Variants in UGT1A8 observed in about 807,000 individuals in gnomAD.
UGT1A8 encodes UDP glucuronosyltransferase family 1 member A8.
Under a neutral mutation model 45.3 loss-of-function variants are expected in UGT1A8, and 39 were observed. The observed-to-expected ratio is 0.86, with a 90% CI of 0.67 to 1.12. The LOEUF (loss-of-function observed/expected upper bound fraction) is 1.12, where lower values mean the gene tolerates loss of function less well. UGT1A8 is among the 50% of genes most tolerant of loss of function. The pLI, the probability that UGT1A8 is intolerant of heterozygous loss-of-function variation, is 0.00. For missense variants in UGT1A8, 719 were observed against 664.9 expected, an observed-to-expected ratio of 1.08 and a Z score of -0.90; for synonymous variants, 275 against 249.2, an observed-to-expected ratio of 1.10 and a Z score of -0.97.
intron 1 of UGT1A8, among the ~76,000 whole-genome samples, chr2:233,643,614 G>A (rs2073518620): frequency 6.6e-6 from 1 of 152,018 alleles, no homozygotes; most frequent in Non-Finnish European, 1.5e-5. Context: ...TCCTCAAGCA[G>A]AATGAGTTTT....
intron 1 of UGT1A8, among the ~76,000 whole-genome samples, chr2:233,694,434 A>G (rs1178426313): frequency 6.6e-6 from 1 of 152,168 alleles, no homozygotes; most frequent in Admixed American, 6.5e-5. Flanking sequence ...CAAAGCCTAC[A>G]CATTTACTGA....
At chr2:233,755,411 C>G (rs1182147250) in intron 1 of UGT1A8, 4 of 330,942 alleles carry the variant, frequency 1.2e-5, no homozygotes, top group South Asian at 7.6e-5. Flanking sequence ...TTGGCCGAGG[C>G]CTGTGAGCGC....
In UGT1A8 at chr2:233,768,366, G is replaced by A. The variant is rs36076514; in HGVS notation, c.1222G>A (p.Val408Met). Residue 408 changes from valine (V) to methionine (M), a missense_variant, in exon 4 of 5, where the codon GTG (valine) becomes ATG (methionine). Transcript: ENST00000373450. ...AKRMETKGAG[V>M]TLNVLEMTSE... ...GCGCATGGAGACTAAGGGAGCTGGA[G>A]TGACCCTGAATGTTCTGGAAATGAC... 1 of 1,614,180 alleles carries A rather than the reference G, an allele frequency of 6.2e-7. No individual in the cohort carries two copies. Among genetic ancestry groups the A allele is most frequent in the African/African-American group, 1.3e-5 (1 of 75,048 alleles).
intron 1 of UGT1A8, chr2:233,682,296 T>C (rs2074570660): frequency 6.2e-7 from 1 of 1,614,180 alleles, no homozygotes; most frequent in Non-Finnish European, 8.5e-7. Flanking sequence ...TTTGACTTAT[T>C]TTTTTCAAAT....
intron 1 of UGT1A8, among the ~76,000 whole-genome samples, chr2:233,686,243 T>C (rs921662746): frequency 6.6e-6 from 1 of 150,822 alleles, no homozygotes; most frequent in African/African-American, 2.4e-5. Flanking sequence ...GGAAATGGTT[T>C]CTGAGATTTT....
chr2:233,636,570 A>G (rs771998629), intron 1 of UGT1A8: 2 of 1,613,932 alleles, frequency 1.2e-6, no homozygotes, highest in African/African-American at 1.3e-5. Flanking sequence ...GTGTGTGTCT[A>G]CTGCTGACCT....
chr2:233,637,235 CT>C lies in UGT1A8; in HGVS notation c.855+18674del, dbSNP rs1559318736. 2.5e-6 allele frequency: 4 copies of C among 1,613,802 alleles called. No individual in the cohort carries two copies. In the African/African-American group the frequency reaches 5.3e-5, roughly 22 times the overall value. Reference sequence around the variant, plus strand: ...ATAGCCTCTGAAATTCTCCAAACCCCTGTCACGGCATATGATCTCTACAGTC... The same window carrying C: ...ATAGCCTCTGAAATTCTCCAAACCCCGTCACGGCATATGATCTCTACAGTC... On this transcript the variant is annotated intron_variant, in intron 1 of 4. Coordinates refer to ENST00000373450, the MANE Select transcript of UGT1A8 (RefSeq NM_019076.5).
At chr2:233,767,255 G>C in intron 2 of UGT1A8, 90 bp downstream of exon 2, 1 of 1,596,760 alleles carries the variant, frequency 6.3e-7, no homozygotes, top group Non-Finnish European at 8.5e-7. Flanking sequence ...CTCTTAATTG[G>C]AACCTTAGAT....
intron 1 of UGT1A8, among the ~76,000 whole-genome samples, chr2:233,700,363 T>G (rs1575468060): frequency 6.6e-6 from 1 of 152,184 alleles, no homozygotes; most frequent in East Asian, 1.9e-4. Context: ...TTATGGCTGA[T>G]TATCTGGGGC....
intron 1 of UGT1A8, among the ~76,000 whole-genome samples, chr2:233,659,387 G>A (rs2073921745): frequency 1.3e-5 from 2 of 152,096 alleles, no homozygotes; most frequent in Non-Finnish European, 2.9e-5. Flanking sequence ...TATGCTTTAT[G>A]TGTTATATAC....
At chr2:233,677,928 G>A (rs7571915) in intron 1 of UGT1A8, among the ~76,000 whole-genome samples, 45,618 of 151,884 alleles carry the variant, frequency 0.3, 7,178 homozygotes, top group South Asian at 0.4. Flanking sequence ...CTAGGTGCCC[G>A]TCAACAGTGG....
chr2:233,647,779 C>A, intron 1 of UGT1A8: 1 of 541,324 alleles, frequency 1.8e-6, no homozygotes, highest in African/African-American at 1.9e-5. Flanking sequence ...GTCTTTTTTC[C>A]TAATCAGTCT....
intron 2 of UGT1A8, 34 bp downstream of exon 2, chr2:233,767,199 T>C (rs2126030914): frequency 1.9e-6 from 3 of 1,613,616 alleles, no homozygotes; most frequent in East Asian, 4.5e-5. Flanking sequence ...CTCATATCTA[T>C]TTTCACAGGA....
intron 1 of UGT1A8, chr2:233,671,807 AT>A (rs3832043): frequency 0.62 from 855,234 of 1,368,394 alleles, 262,042 homozygotes; most frequent in Non-Finnish European, 0.64. Context: ...TCAGTGACTG[AT>A]TTTTTTTTTA....
intron 1 of UGT1A8, among the ~76,000 whole-genome samples, chr2:233,665,758 A>G (rs1404689507): frequency 6.6e-6 from 1 of 152,228 alleles, no homozygotes; most frequent in Non-Finnish European, 1.5e-5. Flanking sequence ...ATTTAAAAAT[A>G]CACACAATAC....
intron 1 of UGT1A8, among the ~76,000 whole-genome samples, chr2:233,635,747 C>G (rs1438946574): frequency 1.3e-5 from 2 of 150,916 alleles, no homozygotes; most frequent in Non-Finnish European, 2.9e-5. Flanking sequence ...TGAAAGAGGT[C>G]ACTGGAGTGA....
Position 233,757,535 on chromosome 2 carries a change from A to AATATATATATATATAT in UGT1A8, c.856-9488_856-9473dup, listed in dbSNP as rs67292694. On this transcript the variant is annotated intron_variant, in intron 1 of 4. Coordinates refer to ENST00000373450, the MANE Select transcript of UGT1A8 (RefSeq NM_019076.5). Reference sequence around the variant, plus strand: ...CAAAGCCAAAATCTTGCCTGTAAGGAATATATATATATATATATATATATA... The same window carrying AATATATATATATATAT: ...CAAAGCCAAAATCTTGCCTGTAAGGAATATATATATATATATATATATATATATATATATATATATA... 5.8e-3 allele frequency among the ~76,000 whole-genome samples: 508 copies of AATATATATATATATAT among 88,168 alleles called. 6 individuals are homozygous for AATATATATATATATAT. The highest frequency in any genetic ancestry group is 0.021 in the Admixed American group (195 of 9,086). 57.8% of individuals were successfully genotyped at this position (88,168 alleles called of 152,430 possible).
intron 1 of UGT1A8, chr2:233,730,107 G>T: frequency 1.3e-6 from 2 of 1,570,872 alleles, no homozygotes; most frequent in Non-Finnish European, 1.7e-6. Flanking sequence ...TTTCATTTCT[G>T]CTTCTCCTTG....
intron 1 of UGT1A8, chr2:233,637,425 A>G: frequency 6.5e-7 from 1 of 1,548,884 alleles, no homozygotes; most frequent in Non-Finnish European, 8.7e-7. Flanking sequence ...GGCTTTGGAA[A>G]TTAAAAAAGG....
Sources: gnomAD v4.1 joint callset for allele counts (sites outside exome capture counted in the v4.1 genomes callset) on GRCh38, gnomAD v4.1.1 for gene constraint, MANE v1.5 for transcripts, NCBI Gene and HGNC (gene_info 2026-07-23, HGNC 2026-07-21) for gene names.